The following KIF1B variants were observed in gnomAD, a reference collection of about 807,000 sequenced individuals.
KIF1B encodes kinesin-like protein KIF1B.
KIF1B carries 76 observed loss-of-function variants against 241.9 expected under a neutral mutation model. The observed-to-expected ratio is 0.31, with a 90% CI of 0.26 to 0.38. The LOEUF is 0.38. KIF1B is among the 10% of genes least tolerant of loss of function. The pLI is 1.00. For synonymous variants in KIF1B, 750 were observed against 796.7 expected, an observed-to-expected ratio of 0.94 and a Z score of 0.99; for missense variants, 1,622 against 2,271.4, an observed-to-expected ratio of 0.71 and a Z score of 5.81.
At chr1:10,255,355 G>A (rs112432872) in intron 2 of KIF1B, among the ~76,000 whole-genome samples, 11,682 of 152,020 alleles carry the variant, frequency 0.077, 521 homozygotes, top group Middle Eastern at 0.16. Context: ...TTAGGGAGGC[G>A]GAGATGCGCA....
chr1:10,333,932 C>G (rs1652059510), intron 27 of KIF1B, among the ~76,000 whole-genome samples: 1 of 151,878 alleles, frequency 6.6e-6, no homozygotes, highest in African/African-American at 2.4e-5. Flanking sequence ...GCGGGTGGAT[C>G]ACAAGGTCAG....
Position 10,292,082 on chromosome 1 carries a change from G to A in KIF1B, c.1550G>A (p.Arg517Gln), listed in dbSNP as rs1396020834. Reference sequence around the variant, plus strand: ...TTGGCTGAGATGGGAGTTGCCATTCGGGAAGATGGAGGAACCCTAGGGGTT... The same window carrying A: ...TTGGCTGAGATGGGAGTTGCCATTCAGGAAGATGGAGGAACCCTAGGGGTT... ...ALLAEMGVAIREDGGTLGVFS... is the reference protein window; with the variant it reads ...ALLAEMGVAIQEDGGTLGVFS... Residue 517 changes from arginine (R) to glutamine (Q), a missense_variant, in exon 17 of 49, where the codon CGG becomes CAG. Physicochemically the swap from Arg to Gln is conservative, Grantham distance 43 (BLOSUM62 1). Coordinates refer to ENST00000676179, the MANE Select transcript of KIF1B (RefSeq NM_001365951.3). 3.7e-6 allele frequency: 6 copies of A among 1,613,790 alleles called. No homozygotes were observed. Among genetic ancestry groups the A allele is most frequent in the Admixed American group, 1.7e-5 (1 of 59,990 alleles).
chr1:10,285,183 C>T (rs1470224696), intron 15 of KIF1B, among the ~76,000 whole-genome samples: 3 of 152,122 alleles, frequency 2.0e-5, no homozygotes, highest in Admixed American at 6.5e-5. Flanking sequence ...AGTAAAACTC[C>T]CACTTACTGA....
chr1:10,366,960 G>C (rs1638594119), intron 43 of KIF1B, among the ~76,000 whole-genome samples: 1 of 152,086 alleles, frequency 6.6e-6, no homozygotes, highest in Non-Finnish European at 1.5e-5. Context: ...AACAGAGTGA[G>C]ACACCATCTC....
chr1:10,237,165 G>A (rs185643351), intron 2 of KIF1B, among the ~76,000 whole-genome samples: 20 of 152,282 alleles, frequency 1.3e-4, no homozygotes, highest in African/African-American at 4.3e-4. Flanking sequence ...ACAAATAAAT[G>A]TTACTGTCTT....
intron 2 of KIF1B, among the ~76,000 whole-genome samples, chr1:10,241,035 A>G (rs919295894): frequency 7.9e-5 from 12 of 152,096 alleles, no homozygotes; most frequent in Admixed American, 7.2e-4. Flanking sequence ...CTGCTGTCTC[A>G]GGTTGTGAGG....
intron 4 of KIF1B, among the ~76,000 whole-genome samples, chr1:10,260,296 G>A (rs1181451210): frequency 6.6e-6 from 1 of 152,094 alleles, no homozygotes; most frequent in Non-Finnish European, 1.5e-5. Context: ...ATTTGAAATG[G>A]CACACCTGCA....
intron 2 of KIF1B, among the ~76,000 whole-genome samples, chr1:10,252,832 G>A (rs1390830599): frequency 6.6e-6 from 1 of 151,734 alleles, no homozygotes; most frequent in Non-Finnish European, 1.5e-5. Flanking sequence ...CAATTCTCCT[G>A]TCTTACTTAG....
chr1:10,340,413 CA>C (rs772442394), intron 32 of KIF1B, among the ~76,000 whole-genome samples: 23 of 152,326 alleles, frequency 1.5e-4, no homozygotes, highest in Non-Finnish European at 2.8e-4. Flanking sequence ...ATCCTCATCA[CA>C]ATAGCTAATA....
intron 22 of KIF1B, chr1:10,307,286 A>T: frequency 9.9e-7 from 1 of 1,007,396 alleles, no homozygotes; most frequent in South Asian, 4.7e-5. Flanking sequence ...AGCTCTTGGT[A>T]TGGCCCATAT....
intron 37 of KIF1B, among the ~76,000 whole-genome samples, chr1:10,351,205 T>C (rs1356987051): frequency 2.0e-5 from 3 of 152,250 alleles, no homozygotes; most frequent in African/African-American, 7.2e-5. Context: ...TTTTTAACTT[T>C]ATTTACAAAG....
intron 1 of KIF1B, among the ~76,000 whole-genome samples, chr1:10,219,325 TG>T (rs1646809816): frequency 6.6e-6 from 1 of 151,694 alleles, no homozygotes; most frequent in Admixed American, 6.6e-5. Flanking sequence ...CCGGGCATGG[TG>T]GTGCATGCCT....
Position 10,368,496 on chromosome 1 carries a change from C to G in KIF1B, c.4782C>G (p.Asn1594Lys). 1 of 1,614,076 alleles carries G rather than the reference C, an allele frequency of 6.2e-7. No individual in the cohort carries two copies. The highest frequency in any genetic ancestry group is 8.5e-7 in the Non-Finnish European group (1 of 1,179,950). ...TGCAACTTCTCACCCACACTTTCAA[C>G]AGAGAATTCAGCCAGGTGCACGGCA... ...KCLQLLTHTF[N>K]REFSQVHGSV... is the part of the protein sequence containing the mutation. The change falls in exon 44 of 49, where the codon AAC becomes AAG. Residue 1594 changes from asparagine to lysine, a missense_variant. Asn to Lys is a moderately conservative substitution (Grantham distance 94). Transcript: ENST00000676179.
At chr1:10,226,792 C>T (rs1473873660) in intron 1 of KIF1B, among the ~76,000 whole-genome samples, 1 of 151,816 alleles carries the variant, frequency 6.6e-6, no homozygotes, top group East Asian at 2.0e-4. Context: ...CATAGCGAAA[C>T]CCCGTCCCTA....
chr1:10,237,556 G>A (rs936994709), intron 2 of KIF1B, among the ~76,000 whole-genome samples: 1 of 152,008 alleles, frequency 6.6e-6, no homozygotes, highest in Admixed American at 6.6e-5. Flanking sequence ...TTTTTCCCCA[G>A]TGCCCAATCT....
intron 34 of KIF1B, 110 bp from the exon 35 acceptor site, chr1:10,345,735 C>T: frequency 1.3e-6 from 1 of 784,798 alleles, no homozygotes; most frequent in Non-Finnish European, 2.2e-6. Flanking sequence ...TTTCCTCTGA[C>T]TCTTGCTGCC....
rs751763636 is a variant in KIF1B at position 10,376,613 on chromosome 1, G to A, written c.*26G>A. 37 of 1,608,844 alleles carry A rather than the reference G, an allele frequency of 2.3e-5. No individual in the cohort carries two copies. Among genetic ancestry groups the A allele is most frequent in the South Asian group, 1.9e-4 (17 of 90,972 alleles). ...GTGACTCTGCCGAGTGCCCTCACTC[G>A]CCTTCGAGAGATAAAGAAAGCGTTA... On this transcript the variant is annotated 3_prime_UTR_variant, in exon 49 of 49. Transcript: ENST00000676179.
Position 10,239,450 on chromosome 1 carries a change from A to G in KIF1B, c.106+7016A>G, listed in dbSNP as rs190052908. Among the ~76,000 whole-genome samples, 25 of 152,116 alleles carry G rather than the reference A, an allele frequency of 1.6e-4. No individual in the cohort carries two copies. The East Asian group carries it at 3.5e-3, about 21-fold the overall frequency. On this transcript the variant is annotated intron_variant, in intron 2 of 48. Coordinates refer to ENST00000676179, the MANE Select transcript of KIF1B (RefSeq NM_001365951.3). ...ATATTTTTAATGTTACTATTTTTCT[A>G]TACAACTTTTGAAATTTTGTAATAT...
chr1:10,355,990 GT>G (rs1268341534), intron 38 of KIF1B, among the ~76,000 whole-genome samples: 1 of 152,144 alleles, frequency 6.6e-6, no homozygotes, highest in East Asian at 1.9e-4. Flanking sequence ...ATTAAAGGAA[GT>G]TTTTTAAAAA....
Sources: allele counts gnomAD v4.1 joint callset (sites outside exome capture counted in the v4.1 genomes callset), GRCh38; gene constraint gnomAD v4.1.1; transcripts MANE v1.5; gene names NCBI Gene and HGNC (gene_info 2026-07-23, HGNC 2026-07-21).